Variants in ESRRB observed in about 807,000 individuals in gnomAD.
ESRRB encodes the protein steroid hormone receptor ERR2.
Under a neutral mutation model 46.0 loss-of-function variants are expected in ESRRB, and 16 were observed. That is an observed-to-expected ratio of 0.35 (90% confidence interval 0.24 to 0.53). ESRRB has a LOEUF of 0.53. ESRRB is among the 20% of genes least tolerant of loss of function. ESRRB has a pLI of 0.93. For synonymous variants in ESRRB, 246 were observed against 259.6 expected (o/e 0.95, Z 0.50); for missense variants, 488 against 607.4 (o/e 0.80, Z 2.07).
chr14:76,480,055 A>G (rs1889743979), intron 3 of ESRRB, among the ~76,000 whole-genome samples: 2 of 152,104 alleles, frequency 1.3e-5, no homozygotes, highest in African/African-American at 4.8e-5. Context: ...TTTGGTAGAG[A>G]TGGGGTTTCG....
chr14:76,397,015 A>G (rs1177496260), intron 1 of ESRRB, among the ~76,000 whole-genome samples: 1 of 152,176 alleles, frequency 6.6e-6, no homozygotes, highest in African/African-American at 2.4e-5. Flanking sequence ...CCGGGCACGG[A>G]CTGACTCGGG....
intron 1 of ESRRB, among the ~76,000 whole-genome samples, chr14:76,322,162 G>A (rs1883875212): frequency 6.6e-6 from 1 of 152,178 alleles, no homozygotes; most frequent in East Asian, 1.9e-4. Flanking sequence ...AGACCCATGT[G>A]AAAGAGAGGT....
At chr14:76,366,388 T>C (rs1884522547), upstream of ESRRB, among the ~76,000 whole-genome samples, 1 of 152,146 alleles carries the variant, frequency 6.6e-6, no homozygotes, top group African/African-American at 2.4e-5. Context: ...AGTAGGATGC[T>C]CAGGCCCACC....
At chr14:76,352,079 A>G (rs1884321048) in intron 1 of ESRRB, among the ~76,000 whole-genome samples, 3 of 151,920 alleles carry the variant, frequency 2.0e-5, no homozygotes, top group Admixed American at 2.0e-4. Flanking sequence ...TGCCTGGCAC[A>G]GAGTAGATTT....
At chr14:76,447,196 G>T (rs180981957) in intron 2 of ESRRB, among the ~76,000 whole-genome samples, 2 of 151,626 alleles carry the variant, frequency 1.3e-5, no homozygotes, top group African/African-American at 4.9e-5. Context: ...AGACCCTCTC[G>T]GCTATTACCT....
chr14:76,434,746 T>G (rs1887601239), intron 1 of ESRRB, among the ~76,000 whole-genome samples: 1 of 152,090 alleles, frequency 6.6e-6, no homozygotes, highest in Non-Finnish European at 1.5e-5. Flanking sequence ...AGTCAGACAT[T>G]GTCTGCATTT....
At chr14:76,494,561 C>G (rs1036266313) in intron 6 of ESRRB, among the ~76,000 whole-genome samples, 2 of 152,212 alleles carry the variant, frequency 1.3e-5, no homozygotes, top group Non-Finnish European at 2.9e-5. Flanking sequence ...CCCACCTCAG[C>G]CTCTCACAGT....
chr14:76,441,842 C>G (rs1430304978), intron 2 of ESRRB, among the ~76,000 whole-genome samples: 1 of 152,200 alleles, frequency 6.6e-6, no homozygotes, highest in Non-Finnish European at 1.5e-5. Flanking sequence ...CCCATCCTGC[C>G]CCTGCATCAG....
At chr14:76,383,345 T>G (rs961420948) in intron 1 of ESRRB, among the ~76,000 whole-genome samples, 1 of 36,348 alleles carries the variant, frequency 2.8e-5, no homozygotes, top group African/African-American at 8.7e-5. Flanking sequence ...TTTTATTGGT[T>G]TTTTTTTTGG....
intron 6 of ESRRB, among the ~76,000 whole-genome samples, chr14:76,492,392 C>A (rs1387880072): frequency 6.6e-6 from 1 of 152,098 alleles, no homozygotes; most frequent in Non-Finnish European, 1.5e-5. Context: ...GTCCCAAACT[C>A]CTGGGCTCAA....
At chr14:76,415,280 G>T (rs1317542156) in intron 1 of ESRRB, among the ~76,000 whole-genome samples, 1 of 152,224 alleles carries the variant, frequency 6.6e-6, no homozygotes, top group Non-Finnish European at 1.5e-5. Flanking sequence ...AACTTTAGGG[G>T]TGTGGAGAGT....
intron 1 of ESRRB, among the ~76,000 whole-genome samples, chr14:76,386,512 A>G (rs1885238117): frequency 7.2e-6 from 1 of 138,202 alleles, no homozygotes; most frequent in Non-Finnish European, 1.5e-5. Context: ...TCTGGAGTGC[A>G]GTGACACGAT....
At chr14:76,395,637 A>C (rs1001546462) in intron 1 of ESRRB, among the ~76,000 whole-genome samples, 1 of 152,174 alleles carries the variant, frequency 6.6e-6, no homozygotes, top group Admixed American at 6.5e-5. Flanking sequence ...GAAGAATTTA[A>C]TAAAATAATG....
intron 3 of ESRRB, among the ~76,000 whole-genome samples, chr14:76,464,365 T>TG (rs1889016975): frequency 6.6e-6 from 1 of 152,214 alleles, no homozygotes; most frequent in African/African-American, 2.4e-5. Flanking sequence ...TAAGACGCTT[T>TG]GTCAATACAA....
chr14:76,453,564 G>T (rs888965279), intron 2 of ESRRB, among the ~76,000 whole-genome samples: 1 of 151,350 alleles, frequency 6.6e-6, no homozygotes, highest in Non-Finnish European at 1.5e-5. Context: ...GTGTAAGAAG[G>T]CTACGGGATC....
chr14:76,334,613 CCTG>C (rs1884104512), intron 1 of ESRRB, among the ~76,000 whole-genome samples: 1 of 152,206 alleles, frequency 6.6e-6, no homozygotes, highest in Non-Finnish European at 1.5e-5. Flanking sequence ...CAAGGCAGCC[CCTG>C]CTGGCTGGCC....
chr14:76,373,590 A>T (rs956341271), upstream of ESRRB, among the ~76,000 whole-genome samples: 3 of 152,184 alleles, frequency 2.0e-5, no homozygotes, highest in African/African-American at 7.2e-5. Flanking sequence ...TCACAGGAGG[A>T]GCCTGGGCCT....
intron 1 of ESRRB, among the ~76,000 whole-genome samples, chr14:76,436,367 A>ACAT (rs1353723024): frequency 6.6e-5 from 10 of 152,230 alleles, no homozygotes; most frequent in African/African-American, 2.4e-4. Flanking sequence ...CTTGGTCACT[A>ACAT]CATCATCGCT....
chr14:76,429,377 A>G (rs542884369), intron 1 of ESRRB, among the ~76,000 whole-genome samples: 2 of 152,334 alleles, frequency 1.3e-5, no homozygotes, highest in South Asian at 4.1e-4. Context: ...AGTGTTACCT[A>G]TTGTTGAAAG....
Sources: allele counts gnomAD v4.1 joint callset (sites outside exome capture counted in the v4.1 genomes callset), GRCh38; gene constraint gnomAD v4.1.1; transcripts MANE v1.5; gene names NCBI Gene and HGNC (gene_info 2026-07-23, HGNC 2026-07-21).